DPP6: variants seen among roughly 807,000 people sequenced by gnomAD.
DPP6 encodes the protein A-type potassium channel modulatory protein DPP6.
A neutral mutation model predicts 122.6 loss-of-function variants in DPP6; 69 were observed. The observed-to-expected ratio is 0.56, with a 90% CI of 0.46 to 0.69. The LOEUF is 0.69. Among genes scored for constraint, DPP6 ranks in the 30% least tolerant of loss-of-function variants. The pLI is 0.00. For missense variants in DPP6, 928 were observed against 1,116.9 expected, an observed-to-expected ratio of 0.83 and a Z score of 2.41; for synonymous variants, 418 against 433.1, an observed-to-expected ratio of 0.97 and a Z score of 0.43.
chr7:153,965,768 A>G (rs1056373050), intron 1 of DPP6, among the ~76,000 whole-genome samples: 2 of 151,998 alleles, frequency 1.3e-5, no homozygotes, highest in African/African-American at 4.8e-5. Flanking sequence ...AGACAGGCGG[A>G]TCACGAGGTC....
At chr7:153,962,634 C>G (rs552063452) in intron 1 of DPP6, among the ~76,000 whole-genome samples, 51 of 152,226 alleles carry the variant, frequency 3.4e-4, no homozygotes, top group African/African-American at 1.2e-3. Flanking sequence ...CACAGAGACC[C>G]GATGCTCAGG....
chr7:153,878,934 TAAAG>T, the DPP6 span, among the ~76,000 whole-genome samples: 3 of 144,626 alleles, frequency 2.1e-5, no homozygotes, highest in Admixed American at 2.1e-4. Flanking sequence ...GAAATAAAGA[TAAAG>T]AGAGGAGGAG....
At chr7:153,830,948 C>T in the DPP6 span, among the ~76,000 whole-genome samples, 1 of 152,144 alleles carries the variant, frequency 6.6e-6, no homozygotes, top group Non-Finnish European at 1.5e-5. Context: ...AGCGTCCATA[C>T]ATATAACTGA....
intron 1 of DPP6, among the ~76,000 whole-genome samples, chr7:154,036,952 G>A (rs1395798435): frequency 6.6e-6 from 1 of 152,190 alleles, no homozygotes; most frequent in Non-Finnish European, 1.5e-5. Flanking sequence ...TGCAACCGCA[G>A]TAGAAACTCT....
At chr7:153,884,602 T>G (rs1798841880), upstream of DPP6, among the ~76,000 whole-genome samples, 1 of 152,216 alleles carries the variant, frequency 6.6e-6, no homozygotes, top group Admixed American at 6.5e-5. Flanking sequence ...GGTTGTTTCT[T>G]AACATAAAGG....
chr7:154,040,410 C>G (rs189451817), intron 1 of DPP6, among the ~76,000 whole-genome samples: 1 of 150,622 alleles, frequency 6.6e-6, no homozygotes. Context: ...TAAGGCAGCA[C>G]GCTTCATGAG....
chr7:154,679,442 T>C (rs922902914), intron 7 of DPP6, among the ~76,000 whole-genome samples: 1 of 152,082 alleles, frequency 6.6e-6, no homozygotes, highest in Admixed American at 6.5e-5. Context: ...CTGCATCCGG[T>C]CCGCAGTTCC....
intron 3 of DPP6, among the ~76,000 whole-genome samples, chr7:154,488,619 T>C (rs1379214058): frequency 6.6e-6 from 1 of 151,888 alleles, no homozygotes; most frequent in African/African-American, 2.4e-5. Flanking sequence ...TTATTGATCA[T>C]GTGCAGAATG....
intron 1 of DPP6, among the ~76,000 whole-genome samples, chr7:154,357,265 T>C (rs1811342693): frequency 6.8e-6 from 1 of 146,630 alleles, no homozygotes; most frequent in Non-Finnish European, 1.5e-5. Flanking sequence ...CTTTAGAAAG[T>C]AATGTGGGGC....
chr7:154,697,282 C>A (rs949028147), intron 7 of DPP6, among the ~76,000 whole-genome samples: 1 of 152,222 alleles, frequency 6.6e-6, no homozygotes, highest in Non-Finnish European at 1.5e-5. Context: ...GCTTGGACAA[C>A]CCAGGCCGCC....
chr7:154,602,010 C>G lies in DPP6; in HGVS notation c.627+35094C>G, dbSNP rs949433577. 4.1e-5 allele frequency among the ~76,000 whole-genome samples: 5 copies of G among 121,212 alleles called. 1 individual carries two copies. Among genetic ancestry groups the G allele is most frequent in the African/African-American group, 1.3e-4 (5 of 38,106 alleles). 79.5% of individuals were successfully genotyped at this position (121,212 alleles called of 152,430 possible). On this transcript the variant is annotated intron_variant, in intron 5 of 25. Coordinates refer to ENST00000377770, the MANE Select transcript of DPP6 (RefSeq NM_130797.4). ...GTGCAAAAGTAATTGTGGTTCTTGC[C>G]AGTAAAAGTAATACTTGTTTCTTTA... is the stretch of plus-strand genomic sequence containing the variant.
intron 5 of DPP6, among the ~76,000 whole-genome samples, chr7:154,576,844 A>T (rs1831713892): frequency 6.6e-6 from 1 of 152,174 alleles, no homozygotes; most frequent in Non-Finnish European, 1.5e-5. Flanking sequence ...AGGTATTTTC[A>T]GAGGAGTGGT....
At chr7:154,337,808 C>T (rs1018406190) in intron 1 of DPP6, among the ~76,000 whole-genome samples, 2 of 152,166 alleles carry the variant, frequency 1.3e-5, no homozygotes, top group Admixed American at 6.5e-5. Flanking sequence ...ATAAGAGAGA[C>T]GTTTAAGCAC....
intron 1 of DPP6, among the ~76,000 whole-genome samples, chr7:154,015,819 C>T (rs190510647): frequency 6.0e-4 from 92 of 152,182 alleles, no homozygotes; most frequent in African/African-American, 2.1e-3. Context: ...GCTTCCACTC[C>T]CCCTCCCACA....
At chr7:154,056,702 A>G (rs137934690) in intron 1 of DPP6, among the ~76,000 whole-genome samples, 9,413 of 152,204 alleles carry the variant, frequency 0.062, 969 homozygotes, top group African/African-American at 0.22. Flanking sequence ...GGAAGGGCCA[A>G]TTTCATCATC....
chr7:154,417,172 T>G (rs1366010673), intron 1 of DPP6, among the ~76,000 whole-genome samples: 1 of 152,198 alleles, frequency 6.6e-6, no homozygotes, highest in Non-Finnish European at 1.5e-5. Flanking sequence ...TCGGGTGATC[T>G]CAGGGAACAT....
rs79781668 is a variant in DPP6, at chr7:153,900,812, G to A, written c.51+13078G>A. ...TTATTTTTTATTTTCAGCCTTATCC[G>A]TAGCACGCTTTATGGTAGCAAAGAG... On this transcript the variant is annotated intron_variant, in intron 1 of 25. Transcript: ENST00000404039. 6.1e-3 allele frequency among the ~76,000 whole-genome samples: 922 copies of A among 152,226 alleles called. 5 individuals are homozygous for A. The highest frequency in any genetic ancestry group is 0.017 in the African/African-American group (713 of 41,546).
At chr7:154,728,536 G>T (rs911561417) in intron 8 of DPP6, among the ~76,000 whole-genome samples, 1 of 152,166 alleles carries the variant, frequency 6.6e-6, no homozygotes, top group African/African-American at 2.4e-5. Context: ...TAACAACCAG[G>T]TATTGATTGC....
In DPP6 at chr7:154,282,054, G is replaced by C. The variant is rs1804550567; in HGVS notation, c.244-164160G>C. Among the ~76,000 whole-genome samples, 1 of 152,154 alleles carries C rather than the reference G, an allele frequency of 6.6e-6. No homozygotes were observed. Among genetic ancestry groups the C allele is most frequent in the Non-Finnish European group, 1.5e-5 (1 of 68,042 alleles). On this transcript the variant is annotated intron_variant, in intron 1 of 25. Transcript: ENST00000377770. This position sits in a 1 kb window ranked among gnomAD's most constrained non-coding sequence, Gnocchi z 4.8. ...CCTCTGTTTCCTCCCCTGTCCAATG[G>C]GGAGATTGACCTCACCTGAGAGAGT...
Sources: gnomAD v4.1 joint callset for allele counts (sites outside exome capture counted in the v4.1 genomes callset) on GRCh38, gnomAD v4.1.1 for gene constraint, Gnocchi (gnomAD v3.1) non-coding constraint, MANE v1.5 for transcripts, NCBI Gene and HGNC (gene_info 2026-07-23, HGNC 2026-07-21) for gene names.